Variants in DOCK3 observed in about 807,000 individuals in gnomAD.
The protein encoded by DOCK3 is dedicator of cytokinesis protein 3.
In DOCK3, 60 loss-of-function variants were observed where a neutral mutation model predicts 265.6. That is an observed-to-expected ratio of 0.23 (90% CI 0.18 to 0.28). The LOEUF is 0.28. Ranked by LOEUF, DOCK3 falls within the 10% of genes least tolerant of loss-of-function variation. The pLI is 1.00. For missense variants in DOCK3, 1,981 were observed against 2,594.3 expected (o/e 0.76, Z 5.14); for synonymous variants, 881 against 938.0 (o/e 0.94, Z 1.11).
chr3:50,827,182 G>GT (rs1203141214), intron 2 of DOCK3, among the ~76,000 whole-genome samples: 1 of 152,214 alleles, frequency 6.6e-6, no homozygotes, highest in Non-Finnish European at 1.5e-5. Flanking sequence ...GACTAGAAGA[G>GT]TAGAGGAGGG....
At chr3:51,362,419 T>C (rs2086802518) in intron 48 of DOCK3, 108 bp from the exon 49 acceptor site, 1 of 1,427,278 alleles carries the variant, frequency 7.0e-7, no homozygotes, top group South Asian at 1.3e-5. Flanking sequence ...GGGGATAGCA[T>C]AAGGCACTGG....
chr3:50,733,687 G>A (rs1260922962), intron 1 of DOCK3, among the ~76,000 whole-genome samples: 1 of 152,074 alleles, frequency 6.6e-6, no homozygotes, highest in African/African-American at 2.4e-5. Flanking sequence ...GCCACTCTGT[G>A]TCTTTTTTGG....
intron 5 of DOCK3, among the ~76,000 whole-genome samples, chr3:50,989,011 T>C (rs913208271): frequency 1.3e-5 from 2 of 152,036 alleles, no homozygotes; most frequent in Admixed American, 6.6e-5. Flanking sequence ...CTATGTGCTT[T>C]ATCCACACCT....
At chr3:50,883,426 C>G (rs2048160714) in intron 3 of DOCK3, among the ~76,000 whole-genome samples, 1 of 151,966 alleles carries the variant, frequency 6.6e-6, no homozygotes, top group African/African-American at 2.4e-5. Flanking sequence ...CATGGGTTTG[C>G]TTACATTTTT....
chr3:51,121,162 A>G (rs2084000137), intron 9 of DOCK3, among the ~76,000 whole-genome samples: 1 of 152,086 alleles, frequency 6.6e-6, no homozygotes, highest in Non-Finnish European at 1.5e-5. Flanking sequence ...TGTTGCAAAG[A>G]CCATAGGAAA....
chr3:50,739,872 T>G (rs1335611623), intron 1 of DOCK3, among the ~76,000 whole-genome samples: 1 of 152,176 alleles, frequency 6.6e-6, no homozygotes, highest in Admixed American at 6.5e-5. Flanking sequence ...ATTAAAAAAA[T>G]TTATAATTGA....
chr3:50,982,494 G>C (rs2077729588), intron 5 of DOCK3, among the ~76,000 whole-genome samples: 1 of 152,062 alleles, frequency 6.6e-6, no homozygotes, highest in East Asian at 1.9e-4. Context: ...CATTGGTGGT[G>C]GTGGGACCCC....
intron 9 of DOCK3, among the ~76,000 whole-genome samples, chr3:51,146,043 C>T (rs948194369): frequency 1.3e-5 from 2 of 152,180 alleles, no homozygotes; most frequent in African/African-American, 2.4e-5. Context: ...ACCTGCTGTG[C>T]GGCCCAGTTC....
intron 3 of DOCK3, among the ~76,000 whole-genome samples, chr3:50,853,481 A>C (rs1260026409): frequency 3.3e-5 from 5 of 152,106 alleles, no homozygotes; most frequent in African/African-American, 1.2e-4. Flanking sequence ...TGCTTCTTGG[A>C]GTCCCCATTG....
intron 12 of DOCK3, among the ~76,000 whole-genome samples, chr3:51,190,032 G>T (rs1203599146): frequency 6.6e-6 from 1 of 152,152 alleles, no homozygotes; most frequent in African/African-American, 2.4e-5. Flanking sequence ...AAGGCTTTCT[G>T]ACTGTTGGGG....
At chr3:51,195,642 T>C (rs904192852) in intron 12 of DOCK3, among the ~76,000 whole-genome samples, 11 of 152,110 alleles carry the variant, frequency 7.2e-5, no homozygotes, top group African/African-American at 2.7e-4. Context: ...AGTCTCAAAC[T>C]CCTGACCTCA....
intron 4 of DOCK3, among the ~76,000 whole-genome samples, chr3:50,930,182 A>G (rs947190680): frequency 6.6e-6 from 1 of 152,262 alleles, no homozygotes; most frequent in Non-Finnish European, 1.5e-5. Context: ...AAGACCTAAT[A>G]GATTAAACTC....
intron 9 of DOCK3, among the ~76,000 whole-genome samples, chr3:51,126,145 G>A (rs992075459): frequency 1.3e-5 from 2 of 152,158 alleles, no homozygotes; most frequent in African/African-American, 4.8e-5. Context: ...TACACTTGAT[G>A]AAGTAATTCT....
At chr3:50,727,996 C>G (rs369438487) in intron 1 of DOCK3, among the ~76,000 whole-genome samples, 1 of 152,164 alleles carries the variant, frequency 6.6e-6, no homozygotes, top group Non-Finnish European at 1.5e-5. Flanking sequence ...TTATACCCAA[C>G]AGAGTACACA....
At chr3:50,853,177 G>A (rs760883375) in intron 3 of DOCK3, among the ~76,000 whole-genome samples, 3 of 151,608 alleles carry the variant, frequency 2.0e-5, no homozygotes, top group Non-Finnish European at 4.4e-5. Flanking sequence ...TTTCTTCATT[G>A]CCTTCTCTCC....
At chr3:51,366,632 A>G (rs963846432) in intron 49 of DOCK3, among the ~76,000 whole-genome samples, 1 of 152,224 alleles carries the variant, frequency 6.6e-6, no homozygotes, top group African/African-American at 2.4e-5. Flanking sequence ...ATTTAGTGCT[A>G]TAAATTTCCT....
At chr3:50,731,131 CAAA>C (rs58878539) in intron 1 of DOCK3, among the ~76,000 whole-genome samples, 3 of 99,562 alleles carry the variant, frequency 3.0e-5, no homozygotes, top group African/African-American at 3.3e-5. Context: ...GACTCTGTCT[CAAA>C]AAAAAAAAAA....
chr3:51,307,025 T>C (rs958034150), intron 27 of DOCK3, among the ~76,000 whole-genome samples: 2 of 152,236 alleles, frequency 1.3e-5, no homozygotes, highest in African/African-American at 4.8e-5. Context: ...ATCAGATCCC[T>C]TCCCCACATC....
chr3:50,987,392 T>C (rs1180594658), intron 5 of DOCK3, among the ~76,000 whole-genome samples: 1 of 152,248 alleles, frequency 6.6e-6, no homozygotes, highest in Non-Finnish European at 1.5e-5. Flanking sequence ...CTGATCTTAT[T>C]TAATCCTTAG....
Sources: gnomAD v4.1 joint callset for allele counts (sites outside exome capture counted in the v4.1 genomes callset) on GRCh38, gnomAD v4.1.1 for gene constraint, MANE v1.5 for transcripts, NCBI Gene and HGNC (gene_info 2026-07-23, HGNC 2026-07-21) for gene names.